SCN3A: variants seen among roughly 807,000 people sequenced by gnomAD.
SCN3A encodes sodium voltage-gated channel alpha subunit 3, also known as sodium channel protein type 3 subunit alpha.
SCN3A carries 60 observed loss-of-function variants against 187.6 expected under a neutral mutation model. The observed-to-expected ratio is 0.32, with a 90% CI of 0.26 to 0.40. SCN3A has a LOEUF of 0.40. Among genes scored for constraint, SCN3A ranks in the 10% least tolerant of loss-of-function variants. SCN3A has a pLI of 1.00. For synonymous variants in SCN3A, 788 were observed against 829.2 expected, an observed-to-expected ratio of 0.95 and a Z score of 0.85; for missense variants, 1,601 against 2,428.2, an observed-to-expected ratio of 0.66 and a Z score of 7.16.
At chr2:165,188,782 C>G (rs894880433) in intron 1 of SCN3A, among the ~76,000 whole-genome samples, 4 of 114,220 alleles carry the variant, frequency 3.5e-5, no homozygotes, top group African/African-American at 1.4e-4. Context: ...TGTGACAGAG[C>G]AAGATTCCAT....
chr2:165,171,872 T>C (rs2105913745), intron 3 of SCN3A, among the ~76,000 whole-genome samples: 1 of 152,236 alleles, frequency 6.6e-6, no homozygotes, highest in South Asian at 2.1e-4. Context: ...TTTTTCACAG[T>C]ATTTAATAGC....
intron 11 of SCN3A, 128 bp from the exon 12 acceptor site, chr2:165,147,157 T>C: frequency 9.6e-7 from 1 of 1,038,036 alleles, no homozygotes; most frequent in Non-Finnish European, 1.4e-6. Context: ...TCCTTTTATT[T>C]TGTCTCACCA....
chr2:165,131,179 A>C, intron 16 of SCN3A, 65 bp downstream of exon 16: 1 of 998,162 alleles, frequency 1.0e-6, no homozygotes, highest in Non-Finnish European at 1.4e-6. Context: ...ATATAAATAT[A>C]CATTGATTCA....
intron 9 of SCN3A, among the ~76,000 whole-genome samples, chr2:165,157,068 G>A (rs1390943154): frequency 3.3e-5 from 5 of 151,998 alleles, no homozygotes; most frequent in East Asian, 1.9e-4. Context: ...CTGCCATCAC[G>A]CCCAGCTAAT....
At chr2:165,112,747 G>GTTGCA in intron 21 of SCN3A, 138 bp downstream of exon 21, 1 of 741,726 alleles carries the variant, frequency 1.3e-6, no homozygotes, top group South Asian at 1.7e-5. Flanking sequence ...ATTCCTCATT[G>GTTGCA]TTGCATATGT....
At chr2:165,105,163 CTT>C (rs1275612933) in intron 21 of SCN3A, among the ~76,000 whole-genome samples, 2 of 152,148 alleles carry the variant, frequency 1.3e-5, no homozygotes, top group African/African-American at 4.8e-5. Context: ...GCTAGACACT[CTT>C]GAGTCCCTTC....
chr2:165,135,037 T>A (rs924590617), intron 15 of SCN3A, among the ~76,000 whole-genome samples: 5 of 152,220 alleles, frequency 3.3e-5, no homozygotes, highest in African/African-American at 1.2e-4. Context: ...TATATCTCTG[T>A]AACTGTTTTC....
Position 165,128,238 on chromosome 2 carries a change from C to T in SCN3A, c.2923-137G>A, listed in dbSNP as rs1431478439. 10 of 727,480 alleles carry T rather than the reference C, an allele frequency of 1.4e-5. No homozygotes were observed. The Admixed American group carries it at 2.8e-4, about 21-fold the overall frequency. The allele number at this position is 727,480 out of a possible 1,614,324, so 45.1% of individuals were successfully genotyped here. A position where few individuals can be genotyped will look rare whatever the true frequency, so the allele number is the denominator to read the frequency against. ...TGAATGCTTACTATATTTCAGATGC[C>T]ATGTCTAAGTCACACACTCTTTAAA... On this transcript the variant is annotated intron_variant, in intron 17 of 27. Transcript: ENST00000283254.
chr2:165,136,965 CA>C (rs1321777286), intron 15 of SCN3A, among the ~76,000 whole-genome samples: 1 of 152,084 alleles, frequency 6.6e-6, no homozygotes, highest in Non-Finnish European at 1.5e-5. Context: ...CTGATTAAAT[CA>C]GAGGTGAGCA....
intron 15 of SCN3A, among the ~76,000 whole-genome samples, chr2:165,136,646 C>G (rs1305808934): frequency 2.0e-5 from 3 of 152,176 alleles, no homozygotes; most frequent in Non-Finnish European, 4.4e-5. Flanking sequence ...CAAAATCATG[C>G]TACTTGAAGC....
intron 19 of SCN3A, among the ~76,000 whole-genome samples, 155 bp from the exon 20 acceptor site, chr2:165,114,125 T>G (rs1686244981): frequency 6.6e-6 from 1 of 152,122 alleles, no homozygotes; most frequent in Admixed American, 6.6e-5. Context: ...CCCTCCTGTA[T>G]AATGAATTAT....
chr2:165,201,267 C>T (rs78129078), intron 1 of SCN3A, among the ~76,000 whole-genome samples: 1,729 of 152,118 alleles, frequency 0.011, 27 homozygotes, highest in African/African-American at 0.04. Context: ...CTAAGTGATA[C>T]TATTATAGGT....
chr2:165,169,950 C>A (rs191338939), intron 4 of SCN3A, among the ~76,000 whole-genome samples: 2 of 149,318 alleles, frequency 1.3e-5, no homozygotes, highest in Admixed American at 6.7e-5. Context: ...GGGAATAAGA[C>A]GGAAGGGAAA....
chr2:165,123,060 CATAGTTAT>C (rs1414472066), intron 18 of SCN3A, among the ~76,000 whole-genome samples: 1 of 152,056 alleles, frequency 6.6e-6, no homozygotes, highest in Non-Finnish European at 1.5e-5. Flanking sequence ...TGCAAAAATT[CATAGTTAT>C]ATAAGTATTT....
In SCN3A at chr2:165,090,895, C is replaced by A; in HGVS notation, c.5258G>T (p.Ser1753Ile). ...NPSVGIFFFV[S>I]YIIISFLVVV... ...AACCAGGAAGGATATGATGATGTAA[C>A]TGACAAAAAAGAAAATCCCAACAGA... The change falls in exon 28 of 28, where the codon AGT becomes ATT. Residue 1753 changes from serine to isoleucine, a missense_variant. Around this residue, in one of 11 missense-constraint regions of SCN3A, gnomAD observed 320 missense variants for 623.2 expected, o/e 0.51. Coordinates refer to ENST00000283254, the MANE Select transcript of SCN3A (RefSeq NM_006922.4). This position sits in a 1 kb window ranked among gnomAD's most constrained non-coding sequence, Gnocchi z 4.0. 1 of 1,614,038 alleles carries A rather than the reference C, an allele frequency of 6.2e-7. No individual in the cohort carries two copies. The highest frequency in any genetic ancestry group is 8.5e-7 in the Non-Finnish European group (1 of 1,180,010).
intron 1 of SCN3A, among the ~76,000 whole-genome samples, chr2:165,190,354 C>T (rs1032601796): frequency 2.0e-5 from 3 of 151,870 alleles, no homozygotes; most frequent in Non-Finnish European, 4.4e-5. Flanking sequence ...TTCATTTCTT[C>T]CTTTAAAAAT....
chr2:165,170,062 A>T (rs1287121060), intron 4 of SCN3A, among the ~76,000 whole-genome samples: 1 of 151,934 alleles, frequency 6.6e-6, no homozygotes, highest in Non-Finnish European at 1.5e-5. Flanking sequence ...GAAACAATTA[A>T]GGCGTAAAAG....
chr2:165,141,651 C>T (rs1023669186), intron 12 of SCN3A, among the ~76,000 whole-genome samples: 1 of 152,198 alleles, frequency 6.6e-6, no homozygotes, highest in Non-Finnish European at 1.5e-5. Context: ...AATTTGCTAA[C>T]AGTTTCCCAA....
chr2:165,170,141 C>A (rs914917032), intron 4 of SCN3A, among the ~76,000 whole-genome samples: 2 of 151,856 alleles, frequency 1.3e-5, no homozygotes, highest in Non-Finnish European at 2.9e-5. Flanking sequence ...TTATATATGA[C>A]CTCATTGAAG....
Sources: gnomAD v4.1 joint callset for allele counts (sites outside exome capture counted in the v4.1 genomes callset) on GRCh38, gnomAD v4.1.1 for gene constraint, gnomAD v4.1.1 regional missense constraint, Gnocchi (gnomAD v3.1) non-coding constraint, MANE v1.5 for transcripts, NCBI Gene and HGNC (gene_info 2026-07-23, HGNC 2026-07-21) for gene names.